The following GPAT4 variants were observed in gnomAD, a reference collection of about 807,000 sequenced individuals.
The protein encoded by GPAT4 is glycerol-3-phosphate acyltransferase 4, also known as 1-AGP acyltransferase 6.
GPAT4 carries 17 observed loss-of-function variants against 58.0 expected under a neutral mutation model. That is an observed-to-expected ratio of 0.29 (90% confidence interval 0.20 to 0.44). The LOEUF is 0.44. Ranked by LOEUF, GPAT4 falls within the 20% of genes least tolerant of loss-of-function variation. The probability of loss-of-function intolerance (pLI) is 1.00; values close to 1 mark genes in which losing one functional copy is unlikely to be tolerated. For synonymous variants in GPAT4, 204 were observed against 210.1 expected (o/e 0.97, Z 0.25); for missense variants, 377 against 574.5 (o/e 0.66, Z 3.51).
At chr8:41,587,344 A>T (rs928835181) in intron 1 of GPAT4, among the ~76,000 whole-genome samples, 1 of 152,178 alleles carries the variant, frequency 6.6e-6, no homozygotes, top group Admixed American at 6.5e-5. Context: ...CATTAGTATA[A>T]TGTCATTACT....
At chr8:41,612,113 G>A (rs1171859261) in intron 6 of GPAT4, 67 bp from the exon 7 acceptor site, 72 of 1,587,360 alleles carry the variant, frequency 4.5e-5, no homozygotes, top group Non-Finnish European at 6.1e-5. Context: ...AGCATGTGAG[G>A]TGAGAGGTGT....
intron 2 of GPAT4, among the ~76,000 whole-genome samples, chr8:41,600,259 C>T (rs1245097776): frequency 6.6e-6 from 1 of 151,962 alleles, no homozygotes; most frequent in African/African-American, 2.4e-5. Flanking sequence ...AGGCTGGTCT[C>T]GAACTCCTGA....
intron 2 of GPAT4, among the ~76,000 whole-genome samples, chr8:41,603,733 C>T (rs768010547): frequency 3.9e-5 from 6 of 151,958 alleles, no homozygotes; most frequent in Non-Finnish European, 7.4e-5. Context: ...CTATCTGGCC[C>T]GTCTCTCAGG....
At chr8:41,596,183 C>T (rs532975971) in intron 1 of GPAT4, among the ~76,000 whole-genome samples, 22 of 152,216 alleles carry the variant, frequency 1.4e-4, no homozygotes, top group African/African-American at 4.6e-4. Flanking sequence ...AAATTTTCAA[C>T]GTAGTTCCTA....
At chr8:41,600,625 T>G (rs536930119) in intron 2 of GPAT4, among the ~76,000 whole-genome samples, 3 of 151,828 alleles carry the variant, frequency 2.0e-5, no homozygotes, top group Non-Finnish European at 4.4e-5. Flanking sequence ...CAAGGGGAAA[T>G]TGACAACATA....
In GPAT4 at chr8:41,618,698, T is replaced by C. The variant is rs1415753442; in HGVS notation, c.1068T>C (p.Phe356=). 1 of 1,614,072 alleles carries C rather than the reference T, an allele frequency of 6.2e-7. No individual in the cohort carries two copies. The highest frequency in any genetic ancestry group is 1.3e-5 in the African/African-American group (1 of 74,932). Reference sequence around the variant, plus strand: ...ATTGTTTTCAGTATGACCCTCAATTTGGCGATGCCTTCTGGAACAGCAGCA... The same window carrying C: ...ATTGTTTTCAGTATGACCCTCAATTCGGCGATGCCTTCTGGAACAGCAGCA... ...YPVAIKYDPQ[F]GDAFWNSSKY... The change falls in exon 11 of 13, where the codon TTT becomes TTC. Residue 356 remains phenylalanine (F), a synonymous_variant. Transcript: ENST00000396987.
At chr8:41,602,485 G>T (rs35222983) in intron 2 of GPAT4, among the ~76,000 whole-genome samples, 12,361 of 152,126 alleles carry the variant, frequency 0.081, 563 homozygotes, top group Middle Eastern at 0.15. Flanking sequence ...ATTCCTGCAG[G>T]GGCCTGGGGT....
At position 41,618,711 on chromosome 8, in the gene GPAT4, T is replaced by C; in HGVS notation, c.1081T>C (p.Trp361Arg). ...KYDPQFGDAF[W>R]NSSKYGMVTY... ...TGACCCTCAATTTGGCGATGCCTTCTGGAACAGCAGCAAATACGGGATGGT... is the reference window on the plus strand; with the variant it reads ...TGACCCTCAATTTGGCGATGCCTTCCGGAACAGCAGCAAATACGGGATGGT... The change falls in exon 11 of 13, where the codon TGG (tryptophan) becomes CGG (arginine). Residue 361 changes from tryptophan (W) to arginine (R), a missense_variant. By Grantham distance (101) the Trp-to-Arg change is moderately radical. Transcript: ENST00000396987. 2 of 1,614,228 alleles carry C rather than the reference T, an allele frequency of 1.2e-6. No individual in the cohort carries two copies. The highest frequency in any genetic ancestry group is 1.7e-6 in the Non-Finnish European group (2 of 1,180,038).
chr8:41,581,988 CA>C (rs1425938738), intron 1 of GPAT4, among the ~76,000 whole-genome samples: 2 of 106,150 alleles, frequency 1.9e-5, no homozygotes, highest in Non-Finnish European at 3.7e-5. Context: ...AAGGGAAGTT[CA>C]ATGATTTTTT....
At chr8:41,584,890 C>A (rs780885640) in intron 1 of GPAT4, 1 of 152,144 alleles carries the variant, frequency 6.6e-6, no homozygotes, top group Non-Finnish European at 1.5e-5. Flanking sequence ...GACCAAGGCC[C>A]CGAACCTGAC....
At position 41,594,403 on chromosome 8, in the gene GPAT4, CTG is replaced by C. The variant is rs2150488277; in HGVS notation, c.-848-3887_-848-3886del. On this transcript the variant is annotated intron_variant, in intron 1 of 12. Transcript: ENST00000396987. ...TTTCCTAATATACCTTGCACATAAACTGTTTTTTTAAATAGTTTTACATTCAG... is the reference window on the plus strand; with the variant it reads ...TTTCCTAATATACCTTGCACATAAACTTTTTTTAAATAGTTTTACATTCAG... Among the ~76,000 whole-genome samples the C allele has an allele frequency of 1.3e-5, 2 of 152,230 alleles. 1 individual carries two copies. The highest frequency in any genetic ancestry group is 2.9e-5 in the Non-Finnish European group (2 of 68,024).
chr8:41,612,480 G>A (rs1803473410), intron 7 of GPAT4, among the ~76,000 whole-genome samples: 1 of 152,242 alleles, frequency 6.6e-6, no homozygotes, highest in Non-Finnish European at 1.5e-5. Flanking sequence ...GATGCCAAGG[G>A]CAGTCAGGCA....
chr8:41,607,658 A>G (rs146255855), intron 2 of GPAT4, among the ~76,000 whole-genome samples: 1,544 of 151,714 alleles, frequency 0.01, 7 homozygotes, highest in Admixed American at 0.02. Flanking sequence ...CCTCTGGAGT[A>G]GCTGGGACTA....
At chr8:41,600,146 C>T (rs1465849299) in intron 2 of GPAT4, among the ~76,000 whole-genome samples, 1 of 146,686 alleles carries the variant, frequency 6.8e-6, no homozygotes, top group African/African-American at 2.5e-5. Context: ...TCAAGCAATT[C>T]ACCTGCTTCA....
chr8:41,600,192 C>T (rs775287521), intron 2 of GPAT4, among the ~76,000 whole-genome samples: 132 of 152,018 alleles, frequency 8.7e-4, no homozygotes, highest in Admixed American at 2.1e-3. Context: ...GCCCATGCCA[C>T]CACACCCGGC....
chr8:41,616,492 C>T (rs1265329881), intron 10 of GPAT4, among the ~76,000 whole-genome samples: 1 of 152,110 alleles, frequency 6.6e-6, no homozygotes, highest in East Asian at 1.9e-4. Flanking sequence ...ACGGAGTTTC[C>T]CCGCGTTGCT....
intron 1 of GPAT4, among the ~76,000 whole-genome samples, chr8:41,597,284 G>C (rs1385489747): frequency 6.6e-6 from 1 of 152,126 alleles, no homozygotes; most frequent in Non-Finnish European, 1.5e-5. Context: ...TCAATTTCTT[G>C]TACTTCTAAG....
At chr8:41,606,832 T>G (rs1423957316) in intron 2 of GPAT4, among the ~76,000 whole-genome samples, 2 of 151,920 alleles carry the variant, frequency 1.3e-5, no homozygotes, top group Non-Finnish European at 2.9e-5. Flanking sequence ...AGATGCTAAG[T>G]GTTTCTTTCA....
intron 2 of GPAT4, among the ~76,000 whole-genome samples, chr8:41,599,820 A>G (rs1171106097): frequency 6.6e-6 from 1 of 152,206 alleles, no homozygotes; most frequent in African/African-American, 2.4e-5. Context: ...AATTATACCA[A>G]ACTGGTCACA....
Sources: allele counts gnomAD v4.1 joint callset (sites outside exome capture counted in the v4.1 genomes callset), GRCh38; gene constraint gnomAD v4.1.1; transcripts MANE v1.5; gene names NCBI Gene and HGNC (gene_info 2026-07-23, HGNC 2026-07-21).